FIGN: variants seen among roughly 807,000 people sequenced by gnomAD.
FIGN encodes the protein fidgetin.
FIGN carries 11 observed loss-of-function variants against 51.3 expected under a neutral mutation model. The ratio of observed to expected loss-of-function variants is 0.21; its 90% CI spans 0.13 to 0.35. FIGN has a LOEUF of 0.35. Ranked by LOEUF, FIGN falls within the 10% of genes least tolerant of loss-of-function variation. The pLI is 1.00. For synonymous variants in FIGN, 407 were observed against 363.2 expected (o/e 1.12, Z -1.37); for missense variants, 857 against 943.6 (o/e 0.91, Z 1.20).
chr2:163,704,041 A>T (rs1325500874), intron 2 of FIGN, among the ~76,000 whole-genome samples: 1 of 152,132 alleles, frequency 6.6e-6, no homozygotes, highest in African/African-American at 2.4e-5. Context: ...AAAGGGGGAA[A>T]AAAAAGTCTG....
chr2:163,717,423 C>T (rs1684685653), intron 2 of FIGN, among the ~76,000 whole-genome samples: 1 of 152,060 alleles, frequency 6.6e-6, no homozygotes, highest in African/African-American at 2.4e-5. Flanking sequence ...TACTACTCTT[C>T]CACTTGAAAA....
chr2:163,655,669 T>C (rs1353045780), intron 2 of FIGN, among the ~76,000 whole-genome samples: 1 of 152,100 alleles, frequency 6.6e-6, no homozygotes, highest in Non-Finnish European at 1.5e-5. Context: ...TGATGCTATC[T>C]CTCTCCCACA....
intron 2 of FIGN, among the ~76,000 whole-genome samples, chr2:163,726,073 T>C (rs768183205): frequency 9.2e-5 from 14 of 152,222 alleles, no homozygotes; most frequent in Non-Finnish European, 2.1e-4. Flanking sequence ...ACTTATTGTA[T>C]TCATAGTATG....
rs529466665 is a variant in FIGN, at chr2:163,697,724, A to G, written c.25+37179T>C. ...ACACACCAGTTGGTCATGGGACCAT[A>G]TGCAAGTAATTTTCTCTGAGCCTGG... On this transcript the variant is annotated intron_variant, in intron 2 of 2. Coordinates refer to ENST00000333129, the MANE Select transcript of FIGN (RefSeq NM_018086.4). Among the ~76,000 whole-genome samples the G allele has an allele frequency of 4.6e-5, 7 of 152,270 alleles. No individual in the cohort carries two copies. In the East Asian group the frequency reaches 1.2e-3, roughly 25 times the overall value.
At chr2:163,711,374 G>A (rs1684585242) in intron 2 of FIGN, among the ~76,000 whole-genome samples, 1 of 152,144 alleles carries the variant, frequency 6.6e-6, no homozygotes, top group South Asian at 2.1e-4. Context: ...AAATACTGCA[G>A]TGATTAATAC....
chr2:163,611,291 G>A lies in FIGN; in HGVS notation c.541C>T (p.Pro181Ser), dbSNP rs1443984992. 3 of 1,613,972 alleles carry A rather than the reference G, an allele frequency of 1.9e-6. No individual in the cohort carries two copies. The African/African-American group carries it at 4.0e-5, about 22-fold the overall frequency. The change falls in exon 3 of 3, where the codon CCA (proline) becomes TCA (serine). Residue 181 changes from proline to serine, a missense_variant. By Grantham distance (74) the Pro-to-Ser change is moderately conservative (BLOSUM62 -1). Around this residue, in one of 3 missense-constraint regions of FIGN, gnomAD observed 799 missense variants for 849.5 expected, o/e 0.94. Transcript: ENST00000333129. ...HTVPSLHAGL[P>S]SQEYAPGYNG... ...TATCCTGGGGCATATTCCTGAGATG[G>A]GAGCCCTGCATGAAGACTGGGTACA...
intron 2 of FIGN, among the ~76,000 whole-genome samples, chr2:163,683,467 C>T (rs192411925): frequency 6.6e-6 from 1 of 152,256 alleles, no homozygotes; most frequent in East Asian, 1.9e-4. Context: ...GCTAGCATTA[C>T]TGGGGATAGG....
chr2:163,653,228 C>T (rs1165452495), intron 2 of FIGN, among the ~76,000 whole-genome samples: 1 of 151,926 alleles, frequency 6.6e-6, no homozygotes, highest in Non-Finnish European at 1.5e-5. Flanking sequence ...TAAATATCAC[C>T]TCTTTCTATC....
At chr2:163,655,814 G>C (rs1462076531) in intron 2 of FIGN, among the ~76,000 whole-genome samples, 1 of 151,640 alleles carries the variant, frequency 6.6e-6, no homozygotes, top group Non-Finnish European at 1.5e-5. Context: ...CAGAGAGAGA[G>C]AGAGAGAGAG....
chr2:163,707,459 A>G (rs1049161591), intron 2 of FIGN, among the ~76,000 whole-genome samples: 4 of 152,226 alleles, frequency 2.6e-5, no homozygotes, highest in African/African-American at 9.6e-5. Context: ...CAAAGAGTGT[A>G]GTGACAAAAC....
At position 163,717,535 on chromosome 2, in the gene FIGN, T is replaced by A. The variant is rs187283902; in HGVS notation, c.25+17368A>T. Among the ~76,000 whole-genome samples, 419 of 152,154 alleles carry A rather than the reference T, an allele frequency of 2.8e-3. 1 individual carries two copies. Among genetic ancestry groups the A allele is most frequent in the Middle Eastern group, 6.8e-3 (2 of 294 alleles). On this transcript the variant is annotated intron_variant, in intron 2 of 2. Coordinates refer to ENST00000333129, the MANE Select transcript of FIGN (RefSeq NM_018086.4). ...GAGAGGTGTATTTTGGTAATTTTTT[T>A]AAAAAAATTTAACACCTCTGAGGGC... is the stretch of plus-strand genomic sequence containing the variant.
intron 2 of FIGN, among the ~76,000 whole-genome samples, chr2:163,671,946 TAATATA>T (rs1683883670): frequency 6.6e-6 from 1 of 152,186 alleles, no homozygotes; most frequent in Non-Finnish European, 1.5e-5. Context: ...CTCATTACTA[TAATATA>T]ATCAATATAT....
Position 163,611,449 on chromosome 2 carries a change from A to G in FIGN, c.383T>C (p.Ile128Thr). The G allele has an allele frequency of 6.2e-7, 1 of 1,614,180 alleles. No homozygotes were observed. The highest frequency in any genetic ancestry group is 8.5e-7 in the Non-Finnish European group (1 of 1,180,002). The change falls in exon 3 of 3, where the codon ATC (isoleucine) becomes ACC (threonine). Residue 128 changes from isoleucine (I) to threonine (T), a missense_variant. Around this residue, in one of 3 missense-constraint regions of FIGN, gnomAD observed 799 missense variants for 849.5 expected, o/e 0.94. Transcript: ENST00000333129. ...VYPMNCVPDVITASKAGVSSA... is the reference protein window; with the variant it reads ...VYPMNCVPDVTTASKAGVSSA... Reference sequence around the variant, plus strand: ...ACTGACTCCAGCTTTGCTGGCAGTGATAACATCCGGAACACAGTTCATGGG... The same window carrying G: ...ACTGACTCCAGCTTTGCTGGCAGTGGTAACATCCGGAACACAGTTCATGGG...
At chr2:163,676,484 A>AT (rs1491432139) in intron 2 of FIGN, among the ~76,000 whole-genome samples, 745 of 55,694 alleles carry the variant, frequency 0.013, 182 homozygotes, top group Non-Finnish European at 0.02. Flanking sequence ...TATATATATA[A>AT]CTAGAGTCTG....
intron 2 of FIGN, 94 bp downstream of exon 2, chr2:163,734,809 C>G (rs909435374): frequency 8.5e-7 from 1 of 1,173,304 alleles, no homozygotes; most frequent in Admixed American, 2.5e-5. Context: ...TCATGAGCAA[C>G]TGCTTGCCAG....
At chr2:163,695,407 C>G (rs985228400) in intron 2 of FIGN, among the ~76,000 whole-genome samples, 1 of 152,172 alleles carries the variant, frequency 6.6e-6, no homozygotes, top group Non-Finnish European at 1.5e-5. Flanking sequence ...CCTCTCCCCA[C>G]CTTCTCTTAT....
intron 2 of FIGN, among the ~76,000 whole-genome samples, chr2:163,643,573 C>T (rs1276230315): frequency 6.6e-6 from 1 of 151,202 alleles, no homozygotes; most frequent in Non-Finnish European, 1.5e-5. Context: ...ATCGCTTGAA[C>T]CTGGGAGATG....
In FIGN at chr2:163,610,355, G is replaced by A. The variant is rs1388942916; in HGVS notation, c.1477C>T (p.Leu493=). The A allele has an allele frequency of 6.2e-7, 1 of 1,614,006 alleles. No individual in the cohort carries two copies. Among genetic ancestry groups the A allele is most frequent in the African/African-American group, 1.3e-5 (1 of 74,902 alleles). The part of the protein sequence containing the change: ...VDWNDIAGLD[L]VKAVIKEEVL... The stretch of plus-strand genomic sequence containing the variant: ...TCCTCTTTAATGACAGCCTTCACCA[G>A]GTCGAGACCAGCAATGTCATTCCAG... Residue 493 remains leucine (L), a synonymous_variant, in exon 3 of 3, where the codon CTG becomes TTG. Coordinates refer to ENST00000333129, the MANE Select transcript of FIGN (RefSeq NM_018086.4).
chr2:163,696,843 T>C (rs1380671546), intron 2 of FIGN, among the ~76,000 whole-genome samples: 1 of 151,280 alleles, frequency 6.6e-6, no homozygotes, highest in African/African-American at 2.4e-5. Context: ...AATTTTTTTT[T>C]TTTTTTTTTA....
Sources: gnomAD v4.1 joint callset for allele counts (sites outside exome capture counted in the v4.1 genomes callset) on GRCh38, gnomAD v4.1.1 for gene constraint, gnomAD v4.1.1 regional missense constraint, MANE v1.5 for transcripts, NCBI Gene and HGNC (gene_info 2026-07-23, HGNC 2026-07-21) for gene names.